The following FBN2 variants were observed in gnomAD, a reference collection of about 807,000 sequenced individuals.
The protein encoded by FBN2 is fibrillin 2.
In FBN2, 105 loss-of-function variants were observed where a neutral mutation model predicts 355.6. The ratio of observed to expected loss-of-function variants is 0.30; its 90% CI spans 0.25 to 0.35. The LOEUF (loss-of-function observed/expected upper bound fraction) is 0.35, where lower values mean the gene tolerates loss of function less well. FBN2 is among the 10% of genes least tolerant of loss of function. The pLI, the probability that FBN2 is intolerant of heterozygous loss-of-function variation, is 1.00. For missense variants in FBN2, 3,280 were observed against 3,758.7 expected, an observed-to-expected ratio of 0.87 and a Z score of 3.33; for synonymous variants, 1,350 against 1,301.2, an observed-to-expected ratio of 1.04 and a Z score of -0.81.
In FBN2 at chr5:128,259,603, A is replaced by C; in HGVS notation, c.8591T>G (p.Met2864Arg). 1.9e-6 allele frequency: 3 copies of C among 1,614,082 alleles called. No individual in the cohort carries two copies. Among genetic ancestry groups the C allele is most frequent in the Non-Finnish European group, 2.5e-6 (3 of 1,180,012 alleles). ...GATTTCCAGTGTGTATGTGCCGGGCATGAGCTTCTTCTTGGCCGTGTGCAA... is the reference window on the plus strand; with the variant it reads ...GATTTCCAGTGTGTATGTGCCGGGCCTGAGCTTCTTCTTGGCCGTGTGCAA... ...SYLHTAKKKL[M>R]PGTYTLEITS... The change falls in exon 65 of 65, where the codon ATG becomes AGG. Residue 2864 changes from methionine to arginine, a missense_variant. Around this residue, in one of 6 missense-constraint regions of FBN2, gnomAD observed 311 missense variants for 319.1 expected, o/e 0.97. Transcript: ENST00000262464.
In FBN2 at chr5:128,302,982, CATT is replaced by C. The variant is rs768364940; in HGVS notation, c.5905_5907del (p.Asn1969del). On this transcript the variant is annotated inframe_deletion, in exon 46 of 65. Coordinates refer to ENST00000262464, the MANE Select transcript of FBN2 (RefSeq NM_001999.4). ...TGAATGAAGTACTTACCCAGGCAAT[CATT>C]ATTATGAGTGAGTTCAAACCCTGGG... 1 of 1,538,476 alleles carries C rather than the reference CATT, an allele frequency of 6.5e-7. No homozygotes were observed. The highest frequency in any genetic ancestry group is 1.7e-5 in the Admixed American group (1 of 59,900).
chr5:128,278,089 A>C, intron 57 of FBN2, 84 bp from the exon 58 acceptor site: 1 of 1,436,828 alleles, frequency 7.0e-7, no homozygotes, highest in Non-Finnish European at 9.8e-7. Flanking sequence ...AAATGAAGAA[A>C]TGGAGATGAC....
Position 128,263,500 on chromosome 5 carries a change from C to T in FBN2, c.8117G>A (p.Cys2706Tyr), listed in dbSNP as rs1010740898. ...CTCCGTGTTAGAGCAGCCGTAATTG[C>T]AGGGGTTCTTGGAGGACGAGCACTC... ...VNECSSSKNP[C>Y]NYGCSNTEGG... The change falls in exon 63 of 65, where the codon TGC (cysteine) becomes TAC (tyrosine). Residue 2706 changes from cysteine to tyrosine, a missense_variant. Cys to Tyr is a radical substitution (Grantham distance 194, BLOSUM62 -2). Coordinates refer to ENST00000262464, the MANE Select transcript of FBN2 (RefSeq NM_001999.4). The T allele has an allele frequency of 6.2e-7, 1 of 1,614,124 alleles. No individual in the cohort carries two copies. Among genetic ancestry groups the T allele is most frequent in the Non-Finnish European group, 8.5e-7 (1 of 1,180,012 alleles).
intron 7 of FBN2, among the ~76,000 whole-genome samples, chr5:128,429,530 C>T (rs1190543479): frequency 2.0e-5 from 3 of 152,018 alleles, no homozygotes; most frequent in East Asian, 1.9e-4. Context: ...CTAGCCATTG[C>T]AAATAGTGTT....
In FBN2 at chr5:128,332,859, G is replaced by C. The variant is rs1019020945; in HGVS notation, c.4222+53C>G. On this transcript the variant is annotated intron_variant, in intron 32 of 64. Transcript: ENST00000262464. ...CATGATTCTACAACCATGCAAAAAA[G>C]AGCCTTTAAAAATTTGTGCCTTAGC... 16 of 1,575,868 alleles carry C rather than the reference G, an allele frequency of 1.0e-5. No individual in the cohort carries two copies. In the African/African-American group the frequency reaches 1.8e-4, roughly 17 times the overall value.
chr5:128,296,677 G>A (rs953153886), intron 48 of FBN2, among the ~76,000 whole-genome samples: 8 of 152,088 alleles, frequency 5.3e-5, no homozygotes, highest in African/African-American at 1.9e-4. Context: ...TGGGATCGAT[G>A]GTGATATCCC....
chr5:128,448,158 A>C (rs1754124532), intron 6 of FBN2, among the ~76,000 whole-genome samples: 2 of 152,224 alleles, frequency 1.3e-5, no homozygotes, highest in South Asian at 4.2e-4. Context: ...CATAGGGTAT[A>C]ATGAATAAAT....
At chr5:128,493,541 T>G (rs996730447) in intron 5 of FBN2, among the ~76,000 whole-genome samples, 1 of 152,100 alleles carries the variant, frequency 6.6e-6, no homozygotes, top group Non-Finnish European at 1.5e-5. Context: ...TCAGAAATAT[T>G]AATGGGGTAT....
chr5:128,389,260 T>C (rs1283793484), intron 11 of FBN2, among the ~76,000 whole-genome samples: 1 of 151,996 alleles, frequency 6.6e-6, no homozygotes, highest in Non-Finnish European at 1.5e-5. Flanking sequence ...AGCAGAGCAA[T>C]GGGGGAAGGC....
Position 128,339,188 on chromosome 5 carries a change from T to C in FBN2, c.3344-127A>G, listed in dbSNP as rs553651956. The C allele has an allele frequency of 1.0e-4, 91 of 897,670 alleles. No homozygotes were observed. The African/African-American group carries it at 1.1e-3, about 11-fold the overall frequency. The allele number at this position is 897,670 out of a possible 1,614,324, so 55.6% of individuals were successfully genotyped here. The stretch of plus-strand genomic sequence containing the variant: ...TAACAGTACAAGGGTATGTTTTCAG[T>C]AGACCCAGATAGAAGGGCCTGGGAC... On this transcript the variant is annotated intron_variant, in intron 25 of 64. Transcript: ENST00000262464.
intron 8 of FBN2, among the ~76,000 whole-genome samples, chr5:128,399,211 C>T (rs1327861889): frequency 1.3e-5 from 2 of 151,926 alleles, no homozygotes; most frequent in Admixed American, 1.3e-4. Context: ...TTAGCCATAC[C>T]ACTGTGAAAC....
intron 48 of FBN2, among the ~76,000 whole-genome samples, chr5:128,300,045 C>T (rs920600446): frequency 6.6e-6 from 1 of 152,130 alleles, no homozygotes; most frequent in African/African-American, 2.4e-5. Flanking sequence ...TCCTTCTGCC[C>T]TATTTAACTC....
At chr5:128,503,792 A>C (rs1181246980) in intron 5 of FBN2, among the ~76,000 whole-genome samples, 1 of 152,326 alleles carries the variant, frequency 6.6e-6, no homozygotes, top group Non-Finnish European at 1.5e-5. Flanking sequence ...CAGCTGTAGA[A>C]ATTTGCCCAA....
chr5:128,474,031 G>A (rs537823718), intron 5 of FBN2, among the ~76,000 whole-genome samples: 39 of 152,158 alleles, frequency 2.6e-4, no homozygotes, highest in African/African-American at 7.5e-4. Flanking sequence ...TGAAGAGGCC[G>A]TAACGATAAT....
intron 62 of FBN2, among the ~76,000 whole-genome samples, chr5:128,264,592 C>A (rs1765071560): frequency 6.6e-6 from 1 of 152,250 alleles, no homozygotes; most frequent in East Asian, 1.9e-4. Flanking sequence ...GGTTGATATA[C>A]AGCATGTGGC....
Position 128,462,644 on chromosome 5 carries a change from G to C in FBN2, c.826+2080C>G, listed in dbSNP as rs553852653. ...CTTCAGACATTACTAAACCCTAAAGGACATTCAGAAAGTTTGAGATCAGAT... is the reference window on the plus strand; with the variant it reads ...CTTCAGACATTACTAAACCCTAAAGCACATTCAGAAAGTTTGAGATCAGAT... On this transcript the variant is annotated intron_variant, in intron 6 of 64. Coordinates refer to ENST00000262464, the MANE Select transcript of FBN2 (RefSeq NM_001999.4). 4.6e-5 allele frequency among the ~76,000 whole-genome samples: 7 copies of C among 152,172 alleles called. No homozygotes were observed. In the South Asian group the frequency reaches 1.5e-3, roughly 32 times the overall value.
At chr5:128,483,108 A>G (rs1755240962) in intron 5 of FBN2, among the ~76,000 whole-genome samples, 1 of 152,182 alleles carries the variant, frequency 6.6e-6, no homozygotes, top group African/African-American at 2.4e-5. Context: ...GGAGCTAAAC[A>G]TTGGCTACAC....
In FBN2 at chr5:128,330,632, G is replaced by C; in HGVS notation, c.4286C>G (p.Pro1429Arg). The C allele has an allele frequency of 6.2e-7, 1 of 1,613,862 alleles. No individual in the cohort carries two copies. The highest frequency in any genetic ancestry group is 8.5e-7 in the Non-Finnish European group (1 of 1,179,782). ...GGAGCAGGCACAGCGGTATGAGCCC[G>C]GGGTATTTACACACTGAGCATTGAT... Reference protein sequence around the residue: ...CSINAQCVNTPGSYRCACSEG... With the variant: ...CSINAQCVNTRGSYRCACSEG... Residue 1429 changes from proline (P) to arginine (R), a missense_variant, in exon 33 of 65, where the codon CCG (proline) becomes CGG (arginine). Physicochemically the swap from Pro to Arg is moderately radical, Grantham distance 103. Around this residue, in one of 6 missense-constraint regions of FBN2, gnomAD observed 2,284 missense variants for 2,749.5 expected, o/e 0.83. Transcript: ENST00000262464.
chr5:128,484,212 T>C (rs1755272221), intron 5 of FBN2, among the ~76,000 whole-genome samples: 1 of 152,238 alleles, frequency 6.6e-6, no homozygotes, highest in African/African-American at 2.4e-5. Context: ...AAGTTATTAC[T>C]TATGCATTAG....
Sources: gnomAD v4.1 joint callset for allele counts (sites outside exome capture counted in the v4.1 genomes callset) on GRCh38, gnomAD v4.1.1 for gene constraint, gnomAD v4.1.1 regional missense constraint, MANE v1.5 for transcripts, NCBI Gene and HGNC (gene_info 2026-07-23, HGNC 2026-07-21) for gene names.